The following FARP1 variants were observed in gnomAD, a reference collection of about 807,000 sequenced individuals.
The protein encoded by FARP1 is FERM, ARH/RhoGEF and pleckstrin domain protein 1.
Under a neutral mutation model 128.8 loss-of-function variants are expected in FARP1, and 52 were observed. That is an observed-to-expected ratio of 0.40 (90% CI 0.32 to 0.51). The LOEUF is 0.51. FARP1 is among the 20% of genes least tolerant of loss of function. FARP1 has a pLI of 0.45. For synonymous variants in FARP1, 580 were observed against 551.8 expected (o/e 1.05, Z -0.72); for missense variants, 1,333 against 1,367.9 (o/e 0.97, Z 0.40).
At chr13:98,228,454 G>A (rs1253973879) in intron 2 of FARP1, among the ~76,000 whole-genome samples, 1 of 151,972 alleles carries the variant, frequency 6.6e-6, no homozygotes, top group Admixed American at 6.6e-5. Context: ...ATGCCACAGA[G>A]CAGCAATGTG....
intron 6 of FARP1, chr13:98,384,012 A>G (rs1594471767): frequency 1.3e-5 from 2 of 152,196 alleles, no homozygotes; most frequent in South Asian, 4.1e-4. Flanking sequence ...CATTGCTAAT[A>G]TATAAGAGTT....
chr13:98,440,386 A>G, intron 23 of FARP1, 151 bp downstream of exon 23: 1 of 677,238 alleles, frequency 1.5e-6, no homozygotes, highest in South Asian at 1.8e-5. Context: ...CTTTTTCCTA[A>G]AAGTAAAACC....
chr13:98,202,395 A>G (rs1454303289), intron 1 of FARP1, among the ~76,000 whole-genome samples: 1 of 152,334 alleles, frequency 6.6e-6, no homozygotes, highest in East Asian at 1.9e-4. Context: ...AAGTGGTTGG[A>G]GGACCCAGAA....
At chr13:98,237,010 C>T (rs1489973547) in intron 2 of FARP1, among the ~76,000 whole-genome samples, 1 of 150,384 alleles carries the variant, frequency 6.6e-6, no homozygotes, top group Non-Finnish European at 1.5e-5. Context: ...AAAAAGAAAA[C>T]GTTAAAATTT....
At chr13:98,348,019 C>T (rs1230533944) in intron 3 of FARP1, among the ~76,000 whole-genome samples, 4 of 152,148 alleles carry the variant, frequency 2.6e-5, no homozygotes, top group Non-Finnish European at 5.9e-5. Context: ...TATAAATACC[C>T]AAGTCAGAGC....
intron 2 of FARP1, among the ~76,000 whole-genome samples, chr13:98,289,944 T>C (rs1885370196): frequency 6.6e-6 from 1 of 152,222 alleles, no homozygotes; most frequent in African/African-American, 2.4e-5. Context: ...TGAATAGGTT[T>C]CCTGATGCAA....
intron 2 of FARP1, among the ~76,000 whole-genome samples, chr13:98,235,531 G>A (rs1300654722): frequency 1.3e-5 from 2 of 152,194 alleles, no homozygotes; most frequent in Non-Finnish European, 1.5e-5. Context: ...ATGCCCGGGT[G>A]TGGGATACTC....
intron 16 of FARP1, among the ~76,000 whole-genome samples, chr13:98,417,294 T>C (rs1891411911): frequency 6.6e-6 from 1 of 151,618 alleles, no homozygotes; most frequent in African/African-American, 2.4e-5. Flanking sequence ...TTGGAAGTTA[T>C]CCACAAGAAG....
At chr13:98,438,037 T>C (rs1214145030) in intron 19 of FARP1, among the ~76,000 whole-genome samples, 1 of 152,240 alleles carries the variant, frequency 6.6e-6, no homozygotes, top group Non-Finnish European at 1.5e-5. Context: ...ATGGTGGGGC[T>C]ACCTTGTGAG....
chr13:98,315,678 TC>T (rs755896645), intron 2 of FARP1, among the ~76,000 whole-genome samples: 5 of 152,110 alleles, frequency 3.3e-5, no homozygotes, highest in Non-Finnish European at 7.4e-5. Flanking sequence ...TGCTCGCTCT[TC>T]CTTCCTTCGC....
intron 2 of FARP1, among the ~76,000 whole-genome samples, chr13:98,242,520 A>G (rs1882833573): frequency 6.6e-6 from 1 of 151,978 alleles, no homozygotes; most frequent in Non-Finnish European, 1.5e-5. Flanking sequence ...CTACAAAGAA[A>G]ATTTAAAAGG....
intron 1 of FARP1, among the ~76,000 whole-genome samples, chr13:98,203,291 T>C (rs1301587275): frequency 6.6e-6 from 1 of 152,200 alleles, no homozygotes; most frequent in Non-Finnish European, 1.5e-5. Context: ...AGGTGTACAA[T>C]TCAAAGGTTT....
intron 17 of FARP1, among the ~76,000 whole-genome samples, chr13:98,425,204 C>CAAA (rs367983342): frequency 7.3e-6 from 1 of 137,910 alleles, no homozygotes. Flanking sequence ...TTCAAAACTT[C>CAAA]AAAAAAAAAA....
chr13:98,377,990 C>G, intron 6 of FARP1, 72 bp downstream of exon 6: 1 of 1,125,112 alleles, frequency 8.9e-7, no homozygotes, highest in Non-Finnish European at 1.3e-6. Context: ...GGAAAAAAAT[C>G]ACATCCACCA....
At chr13:98,328,810 A>G (rs1413981013) in intron 2 of FARP1, 1 of 152,360 alleles carries the variant, frequency 6.6e-6, no homozygotes, top group Middle Eastern at 3.4e-3. Flanking sequence ...TCTGCTGGGT[A>G]AAGGGAGAAG....
chr13:98,446,954 T>G, intron 26 of FARP1, 137 bp downstream of exon 26: 1 of 867,378 alleles, frequency 1.2e-6, no homozygotes, highest in Non-Finnish European at 1.8e-6. Context: ...GGGGTCCCAC[T>G]GCCCGACACC....
At position 98,453,126 on chromosome 13, in the gene FARP1, T is replaced by C. The variant is rs780140974; in HGVS notation, c.*4809T>C. ...GTTGACTTTTAAAAAAGGAGGAGGA[T>C]GAAGAAGGAAAAAAGGAAAAACAAA... On this transcript the variant is annotated 3_prime_UTR_variant, in exon 27 of 27. Transcript: ENST00000319562. 3 of 1,606,308 alleles carry C rather than the reference T, an allele frequency of 1.9e-6. No homozygotes were observed. The highest frequency in any genetic ancestry group is 2.2e-5 in the South Asian group (2 of 90,632).
At chr13:98,429,968 GT>G in intron 17 of FARP1, among the ~76,000 whole-genome samples, 1 of 152,348 alleles carries the variant, frequency 6.6e-6, no homozygotes, top group Non-Finnish European at 1.5e-5. Context: ...GCCGGGCGTG[GT>G]GCCTCATGCC....
intron 16 of FARP1, among the ~76,000 whole-genome samples, chr13:98,414,696 C>A (rs1483721582): frequency 1.3e-5 from 2 of 152,174 alleles, no homozygotes; most frequent in African/African-American, 4.8e-5. Context: ...AGAACATTTG[C>A]CCTAAAATGC....
Sources: allele counts gnomAD v4.1 joint callset (sites outside exome capture counted in the v4.1 genomes callset), GRCh38; gene constraint gnomAD v4.1.1; transcripts MANE v1.5; gene names NCBI Gene and HGNC (gene_info 2026-07-23, HGNC 2026-07-21).